Variants in HOMER1 observed in about 807,000 individuals in gnomAD.
The protein encoded by HOMER1 is homer protein homolog 1.
Under a neutral mutation model 48.9 loss-of-function variants are expected in HOMER1, and 3 were observed. The observed-to-expected ratio is 0.06, with a 90% CI of 0.03 to 0.16. HOMER1 has a LOEUF of 0.16. HOMER1 is among the 10% of genes least tolerant of loss of function. The pLI, the probability that HOMER1 is intolerant of heterozygous loss-of-function variation, is 1.00. For synonymous variants in HOMER1, 134 were observed against 146.4 expected, an observed-to-expected ratio of 0.92 and a Z score of 0.61; for missense variants, 247 against 411.4, an observed-to-expected ratio of 0.60 and a Z score of 3.46.
chr5:79,405,013 T>C (rs545343967), intron 5 of HOMER1, among the ~76,000 whole-genome samples: 38 of 152,208 alleles, frequency 2.5e-4, no homozygotes, highest in African/African-American at 7.2e-4. Flanking sequence ...CCGGTCCTGA[T>C]TGCCTCTTCG....
intron 1 of HOMER1, among the ~76,000 whole-genome samples, chr5:79,475,293 T>TGTCTGGCTCTAGAGCCCGTATCA (rs1751734447): frequency 1.0e-5 from 1 of 97,920 alleles, no homozygotes; most frequent in South Asian, 3.4e-4. Context: ...AGCCCGTATC[T>TGTCTGGCTCTAGAGCCCGTATCA]TTATCTTATA....
chr5:79,449,522 G>C (rs959982358), intron 3 of HOMER1, among the ~76,000 whole-genome samples: 1 of 152,182 alleles, frequency 6.6e-6, no homozygotes. Context: ...ACCCAGGCTA[G>C]AGTGCAGTGT....
At chr5:79,388,423 A>T (rs1749170256) in intron 8 of HOMER1, among the ~76,000 whole-genome samples, 2 of 152,098 alleles carry the variant, frequency 1.3e-5, no homozygotes, top group South Asian at 4.1e-4. Flanking sequence ...ATGTGTAAGC[A>T]ATCTTCATCT....
intron 1 of HOMER1, among the ~76,000 whole-genome samples, chr5:79,503,006 G>A (rs563754472): frequency 1.0e-3 from 155 of 151,962 alleles, no homozygotes; most frequent in Non-Finnish European, 1.8e-3. Context: ...TAGCCAGGAC[G>A]GTCTTGATCT....
chr5:79,414,759 C>T (rs994822024), intron 5 of HOMER1, among the ~76,000 whole-genome samples: 18 of 152,072 alleles, frequency 1.2e-4, no homozygotes, highest in African/African-American at 1.9e-4. Flanking sequence ...TTAATGTATG[C>T]CTTGATAATC....
At chr5:79,500,927 T>TTGTG (rs367742665) in intron 1 of HOMER1, among the ~76,000 whole-genome samples, 1,279 of 124,338 alleles carry the variant, frequency 0.01, 31 homozygotes, top group African/African-American at 0.043. Flanking sequence ...ACCCAGCCAT[T>TTGTG]TGTGTGTGTG....
intron 1 of HOMER1, among the ~76,000 whole-genome samples, chr5:79,466,287 A>G (rs1439760676): frequency 6.6e-6 from 1 of 152,066 alleles, no homozygotes; most frequent in Non-Finnish European, 1.5e-5. Context: ...AGGCTGAGAC[A>G]GGCAGATTGC....
intron 5 of HOMER1, among the ~76,000 whole-genome samples, chr5:79,418,478 C>T (rs1343026923): frequency 7.0e-6 from 1 of 142,806 alleles, no homozygotes; most frequent in African/African-American, 2.8e-5. Flanking sequence ...CGACAGAAAT[C>T]CCTTTCAGCG....
At chr5:79,420,004 T>A (rs1301348296) in intron 5 of HOMER1, among the ~76,000 whole-genome samples, 1 of 152,170 alleles carries the variant, frequency 6.6e-6, no homozygotes, top group Non-Finnish European at 1.5e-5. Flanking sequence ...CTTTTTTTTA[T>A]CTGCATTACG....
At chr5:79,484,714 A>C (rs981229825) in intron 1 of HOMER1, among the ~76,000 whole-genome samples, 8 of 152,156 alleles carry the variant, frequency 5.3e-5, no homozygotes, top group Non-Finnish European at 8.8e-5. Context: ...AAAAAGATAT[A>C]CCTCGCAAAT....
rs780902358 is a variant in HOMER1, at chr5:79,439,104, T to C, written c.433A>G (p.Ile145Val). The C allele has an allele frequency of 2.7e-5, 43 of 1,613,950 alleles. No individual in the cohort carries two copies. The highest frequency in any genetic ancestry group is 3.3e-5 in the Non-Finnish European group (39 of 1,179,932). ...GTTCTTTCATCATCTGTCCCGTTGA[T>C]ACTTTCCGGTGTTAAAGGAGACTGA... is the stretch of plus-strand genomic sequence containing the variant. ...DLQSPLTPES[I>V]NGTDDERTPD... The change falls in exon 5 of 9, where the codon ATC becomes GTC. Residue 145 changes from isoleucine (I) to valine (V), a missense_variant. Physicochemically the swap from Ile to Val is conservative, Grantham distance 29. Coordinates refer to ENST00000334082, the MANE Select transcript of HOMER1 (RefSeq NM_004272.5).
At chr5:79,406,736 C>T (rs546716021) in intron 5 of HOMER1, among the ~76,000 whole-genome samples, 13 of 152,300 alleles carry the variant, frequency 8.5e-5, no homozygotes, top group African/African-American at 3.1e-4. Context: ...CACTGTAACT[C>T]TGTGAGAGGA....
intron 1 of HOMER1, among the ~76,000 whole-genome samples, chr5:79,458,994 G>A (rs59709380): frequency 4.6e-5 from 7 of 152,098 alleles, no homozygotes; most frequent in Admixed American, 2.0e-4. Context: ...TGTTGGTCAG[G>A]CTGGGAGTGG....
intron 1 of HOMER1, among the ~76,000 whole-genome samples, chr5:79,481,632 C>T (rs1303152872): frequency 6.6e-6 from 1 of 152,104 alleles, no homozygotes; most frequent in Non-Finnish European, 1.5e-5. Flanking sequence ...CAGTACATAC[C>T]TTTGTCAAGA....
chr5:79,378,197 G>C (rs1337469964), intron 8 of HOMER1, among the ~76,000 whole-genome samples: 2 of 137,886 alleles, frequency 1.5e-5, no homozygotes, highest in Non-Finnish European at 3.0e-5. Flanking sequence ...CCAGCCGCCT[G>C]GGGTGACAGA....
rs372727443 is a variant in HOMER1 at position 79,510,303 on chromosome 5, T to C, written c.5+2467A>G. 2.9e-5 allele frequency: 11 copies of C among 384,892 alleles called. No homozygotes were observed. The East Asian group carries it at 6.4e-4, about 22-fold the overall frequency. 23.8% of individuals were successfully genotyped at this position (384,892 alleles called of 1,614,324 possible). Reference sequence around the variant, plus strand: ...CATTCATTTATAAACAAATTAATTATGCTAAGTGTCTAAATGCATGTTATG... The same window carrying C: ...CATTCATTTATAAACAAATTAATTACGCTAAGTGTCTAAATGCATGTTATG... On this transcript the variant is annotated intron_variant, in intron 1 of 8. Transcript: ENST00000334082.
At chr5:79,412,422 C>T (rs1248220385) in intron 5 of HOMER1, among the ~76,000 whole-genome samples, 1 of 152,214 alleles carries the variant, frequency 6.6e-6, no homozygotes, top group Non-Finnish European at 1.5e-5. Flanking sequence ...TGTTTATAAG[C>T]TTATTCCTGA....
chr5:79,454,708 C>A (rs185910486), intron 2 of HOMER1, among the ~76,000 whole-genome samples: 1 of 152,148 alleles, frequency 6.6e-6, no homozygotes, highest in East Asian at 1.9e-4. Flanking sequence ...ATCTAGTTAA[C>A]CTAGTTAAGG....
chr5:79,379,468 TTATA>T (rs1306843546), intron 8 of HOMER1, among the ~76,000 whole-genome samples: 1 of 115,328 alleles, frequency 8.7e-6, no homozygotes, highest in Non-Finnish European at 1.7e-5. Flanking sequence ...AATATATATT[TTATA>T]TATAAATATA....
Sources: allele counts gnomAD v4.1 joint callset (sites outside exome capture counted in the v4.1 genomes callset), GRCh38; gene constraint gnomAD v4.1.1; transcripts MANE v1.5; gene names NCBI Gene and HGNC (gene_info 2026-07-23, HGNC 2026-07-21).